The following SLC13A3 variants were observed in gnomAD, a reference collection of about 807,000 sequenced individuals.
SLC13A3 encodes Na(+)/dicarboxylate cotransporter 3.
In SLC13A3, 40 loss-of-function variants were observed where a neutral mutation model predicts 59.0. The observed-to-expected ratio is 0.68, with a 90% CI of 0.53 to 0.88. The LOEUF (loss-of-function observed/expected upper bound fraction) is 0.88. Ranked by LOEUF, SLC13A3 falls within the 40% of genes least tolerant of loss-of-function variation. SLC13A3 has a pLI of 0.00. For synonymous variants in SLC13A3, 317 were observed against 330.3 expected, an observed-to-expected ratio of 0.96 and a Z score of 0.44; for missense variants, 699 against 783.2, an observed-to-expected ratio of 0.89 and a Z score of 1.28.
At chr20:46,634,447 T>C (rs771519611) in intron 1 of SLC13A3, among the ~76,000 whole-genome samples, 2 of 152,078 alleles carry the variant, frequency 1.3e-5, no homozygotes, top group Non-Finnish European at 2.9e-5. Context: ...CTAGGGGCCA[T>C]CTGTGTCCAT....
chr20:46,613,293 T>C (rs1258016680), intron 2 of SLC13A3, among the ~76,000 whole-genome samples, 167 bp downstream of exon 2: 1 of 76,884 alleles, frequency 1.3e-5, no homozygotes. Flanking sequence ...GCTTGCTAAA[T>C]AGTAGAGAAA....
Position 46,599,542 on chromosome 20 carries a change from A to G in SLC13A3, c.608+429T>C, listed in dbSNP as rs898217942. ...ATACTGTAGACTAAATGCGATTTCA[A>G]CATCAATGTGAAGATGCTTTGTAAG... On this transcript the variant is annotated intron_variant, in intron 4 of 12. Coordinates refer to ENST00000279027, the MANE Select transcript of SLC13A3 (RefSeq NM_022829.6). Among the ~76,000 whole-genome samples the G allele has an allele frequency of 1.1e-4, 16 of 152,238 alleles. 1 individual carries two copies. Among genetic ancestry groups the G allele is most frequent in the Non-Finnish European group, 2.9e-5 (2 of 68,038 alleles).
chr20:46,561,811 C>T (rs961354173), intron 12 of SLC13A3, among the ~76,000 whole-genome samples: 3 of 151,986 alleles, frequency 2.0e-5, no homozygotes, highest in Non-Finnish European at 4.4e-5. Context: ...TAGAGGGAGT[C>T]GGGCCGACAT....
intron 3 of SLC13A3, among the ~76,000 whole-genome samples, chr20:46,600,407 GAGGAAGGAAGGAAGGAAAGGA>G (rs1325222658): frequency 8.9e-4 from 128 of 143,602 alleles, no homozygotes; most frequent in African/African-American, 3.0e-3. Flanking sequence ...AGAAAGAAAG[GAGGAAGGAAGGAAGGAAAGGA>G]AGGAAGGAAG....
At chr20:46,587,798 C>T (rs1407570600) in intron 8 of SLC13A3, among the ~76,000 whole-genome samples, 1 of 152,170 alleles carries the variant, frequency 6.6e-6, no homozygotes. Context: ...TCACACAGCT[C>T]GTAAGTGGCA....
At chr20:46,608,168 C>T (rs1202813461) in intron 3 of SLC13A3, among the ~76,000 whole-genome samples, 1 of 152,174 alleles carries the variant, frequency 6.6e-6, no homozygotes, top group Admixed American at 6.5e-5. Context: ...AGCCCCAATC[C>T]AGCCCACCGC....
chr20:46,596,070 A>G (rs778580342), intron 5 of SLC13A3, 87 bp downstream of exon 5: 177 of 1,288,284 alleles, frequency 1.4e-4, no homozygotes, highest in Non-Finnish European at 1.6e-4. Context: ...GAAGGCCCTC[A>G]ATACACATTC....
chr20:46,600,104 G>T (rs2122707028), intron 3 of SLC13A3, 67 bp from the exon 4 acceptor site: 1 of 1,233,944 alleles, frequency 8.1e-7, no homozygotes, highest in East Asian at 2.6e-5. Flanking sequence ...CCCAAATCTT[G>T]TGAAGTCAGT....
intron 4 of SLC13A3, among the ~76,000 whole-genome samples, chr20:46,599,160 A>C (rs367776441): frequency 3.3e-4 from 50 of 152,362 alleles, no homozygotes; most frequent in African/African-American, 1.2e-3. Context: ...CTAGAATGTA[A>C]GCCCATAAGG....
intron 1 of SLC13A3, among the ~76,000 whole-genome samples, chr20:46,650,302 C>G (rs928279128): frequency 6.6e-6 from 1 of 152,192 alleles, no homozygotes; most frequent in African/African-American, 2.4e-5. Context: ...GACTGAATAC[C>G]GACATAGTCA....
chr20:46,600,923 C>T (rs2062374074), intron 3 of SLC13A3, among the ~76,000 whole-genome samples: 1 of 152,154 alleles, frequency 6.6e-6, no homozygotes, highest in Non-Finnish European at 1.5e-5. Flanking sequence ...ACAGAGAAGA[C>T]ACTGTGTGCT....
chr20:46,582,786 G>A (rs1174470630), intron 9 of SLC13A3: 2 of 985,190 alleles, frequency 2.0e-6, no homozygotes, highest in African/African-American at 1.7e-5. Context: ...CCTATTTCCT[G>A]ACTCCGGAGG....
rs557965297 is a variant in SLC13A3, at chr20:46,604,807, A to C, written c.542-4770T>G. Among the ~76,000 whole-genome samples, 216 of 152,312 alleles carry C rather than the reference A, an allele frequency of 1.4e-3. 1 individual carries two copies. Among genetic ancestry groups the C allele is most frequent in the African/African-American group, 4.9e-3 (205 of 41,572 alleles). ...ACGAGGCCAGGGTCCAGGGCACTGA[A>C]GTAGGAAGCGAGGGACTATTAATAG... On this transcript the variant is annotated intron_variant, in intron 3 of 12. Coordinates refer to ENST00000279027, the MANE Select transcript of SLC13A3 (RefSeq NM_022829.6).
At chr20:46,581,263 G>C (rs1005617118) in intron 9 of SLC13A3, among the ~76,000 whole-genome samples, 3 of 152,210 alleles carry the variant, frequency 2.0e-5, no homozygotes, top group Non-Finnish European at 2.9e-5. Context: ...GGCATTGTGA[G>C]TTCAACCCCA....
intron 8 of SLC13A3, chr20:46,585,847 C>G (rs2050122727): frequency 8.4e-7 from 1 of 1,192,906 alleles, no homozygotes; most frequent in Non-Finnish European, 1.1e-6. Context: ...CTTATAACAA[C>G]CTTCAGGAGA....
At chr20:46,565,496 G>A (rs2061971743) in intron 11 of SLC13A3, among the ~76,000 whole-genome samples, 1 of 152,066 alleles carries the variant, frequency 6.6e-6, no homozygotes, top group Admixed American at 6.5e-5. Flanking sequence ...GCTACTTTTT[G>A]TATTTTTTGC....
At chr20:46,630,003 GT>G (rs1352256122) in intron 1 of SLC13A3, among the ~76,000 whole-genome samples, 1 of 152,112 alleles carries the variant, frequency 6.6e-6, no homozygotes, top group Non-Finnish European at 1.5e-5. Context: ...TTTAAGACCG[GT>G]TCTTTGTTGG....
At chr20:46,589,280 G>A (rs1285679903) in intron 6 of SLC13A3, 25 bp from the exon 7 acceptor site, 2 of 1,597,694 alleles carry the variant, frequency 1.3e-6, no homozygotes, top group African/African-American at 2.7e-5. Context: ...GGGAGATTAG[G>A]AGTGGCCACT....
chr20:46,605,445 G>A (rs1164425126), intron 3 of SLC13A3, among the ~76,000 whole-genome samples: 1 of 152,158 alleles, frequency 6.6e-6, no homozygotes, highest in African/African-American at 2.4e-5. Flanking sequence ...CAGTTGATTA[G>A]AAGCTTGATG....
Sources: allele counts gnomAD v4.1 joint callset (sites outside exome capture counted in the v4.1 genomes callset), GRCh38; gene constraint gnomAD v4.1.1; transcripts MANE v1.5; gene names NCBI Gene and HGNC (gene_info 2026-07-23, HGNC 2026-07-21).